Variants in TIMM23B observed in about 807,000 individuals in gnomAD.
TIMM23B encodes translocase of inner mitochondrial membrane 23 homolog B, also known as mitochondrial import inner membrane translocase subunit Tim23B.
A neutral mutation model predicts 27.3 loss-of-function variants in TIMM23B; 27 were observed. That is an observed-to-expected ratio of 0.99 (90% CI 0.73 to 1.36). The LOEUF (loss-of-function observed/expected upper bound fraction) is 1.36. Among genes scored for constraint, TIMM23B ranks in the 40% most tolerant of loss-of-function variants. The probability of loss-of-function intolerance (pLI) is 0.00; values close to 1 mark genes in which losing one functional copy is unlikely to be tolerated. For missense variants in TIMM23B, 205 were observed against 244.2 expected (o/e 0.84, Z 1.07); for synonymous variants, 73 against 92.4 (o/e 0.79, Z 1.21).
intron 6 of TIMM23B, among the ~76,000 whole-genome samples, chr10:49,959,286 G>T (rs1233510085): frequency 1.3e-5 from 2 of 152,074 alleles, no homozygotes; most frequent in African/African-American, 2.4e-5. Flanking sequence ...ACAATAGTTT[G>T]ACCTGTGACA....
chr10:49,951,867 T>C (rs1284726628), intron 2 of TIMM23B, among the ~76,000 whole-genome samples: 1 of 152,234 alleles, frequency 6.6e-6, no homozygotes, highest in Non-Finnish European at 1.5e-5. Context: ...TAAACACTTT[T>C]GCACAAATCT....
chr10:49,954,622 A>G (rs1295806587), intron 4 of TIMM23B, among the ~76,000 whole-genome samples: 4 of 151,862 alleles, frequency 2.6e-5, no homozygotes, highest in Non-Finnish European at 5.9e-5. Flanking sequence ...CATTTTTTAC[A>G]TGGATTAGTT....
intron 6 of TIMM23B, among the ~76,000 whole-genome samples, chr10:49,959,337 G>T (rs1839822618): frequency 6.6e-6 from 1 of 152,182 alleles, no homozygotes; most frequent in South Asian, 2.1e-4. Context: ...CAAGGTCGAA[G>T]CCCAGGAATG....
At position 49,942,252 on chromosome 10, in the gene TIMM23B, G is replaced by C; in HGVS notation, c.58G>C (p.Gly20Arg). The change falls in exon 1 of 7, where the codon GGA becomes CGA. Residue 20 changes from glycine to arginine, a missense_variant. By Grantham distance (125) the Gly-to-Arg change is moderately radical (BLOSUM62 -2). Coordinates refer to ENST00000651259, the MANE Select transcript of TIMM23B (RefSeq NM_001290117.2). ...KTTGVLAGFF[G>R]AGEAGYSHAD... ...CACAGGGGTATTGGCCGGCTTTTTC[G>C]GAGCCGGCGAAGCAGGTTACTCGCA... The C allele has an allele frequency of 6.2e-7, 1 of 1,612,784 alleles. No individual in the cohort carries two copies. Among genetic ancestry groups the C allele is most frequent in the Non-Finnish European group, 8.5e-7 (1 of 1,179,372 alleles).
At chr10:49,950,200 CTTTTTTT>C (rs1169522720) in intron 2 of TIMM23B, among the ~76,000 whole-genome samples, 19 of 117,990 alleles carry the variant, frequency 1.6e-4, no homozygotes, top group African/African-American at 2.2e-4. Flanking sequence ...AAAGTTTTTT[CTTTTTTT>C]TTTTTTTTTT....
At chr10:49,971,032 A>G (rs530733900) in intron 6 of TIMM23B, among the ~76,000 whole-genome samples, 2 of 152,328 alleles carry the variant, frequency 1.3e-5, no homozygotes, top group East Asian at 3.9e-4. Flanking sequence ...CCTTACCCCC[A>G]ACCCGGTGCT....
intron 6 of TIMM23B, among the ~76,000 whole-genome samples, chr10:49,967,402 A>G (rs1355523938): frequency 6.6e-6 from 1 of 152,112 alleles, no homozygotes; most frequent in African/African-American, 2.4e-5. Flanking sequence ...CCACCACACA[A>G]AATTTATGTC....
At chr10:49,971,330 C>CT (rs1196656551) in intron 6 of TIMM23B, among the ~76,000 whole-genome samples, 1 of 141,594 alleles carries the variant, frequency 7.1e-6, no homozygotes, top group African/African-American at 2.7e-5. Flanking sequence ...TCAATAAATA[C>CT]TAAAAAAAAA....
At chr10:49,943,271 G>T (rs1839220999) in intron 1 of TIMM23B, 1 of 151,774 alleles carries the variant, frequency 6.6e-6, no homozygotes, top group Non-Finnish European at 1.5e-5. Context: ...GTTGGGGTGC[G>T]GTGGCATGAT....
rs1235671060 is a variant in TIMM23B, at chr10:49,962,493, G to A, written c.514+4013G>A. 5.9e-5 allele frequency among the ~76,000 whole-genome samples: 9 copies of A among 152,172 alleles called. No homozygotes were observed. In the South Asian group the frequency reaches 1.0e-3, roughly 18 times the overall value. On this transcript the variant is annotated intron_variant, in intron 6 of 6. Transcript: ENST00000651259. The stretch of plus-strand genomic sequence containing the variant: ...TGGGATTACAGGCGTGAACCACCAC[G>A]CCGGGCCAAGCCAGATTCTTTAAAG...
chr10:49,968,834 C>CA (rs1554855938), intron 6 of TIMM23B, among the ~76,000 whole-genome samples: 2 of 151,662 alleles, frequency 1.3e-5, no homozygotes, highest in African/African-American at 4.8e-5. Context: ...GACTCCGTCT[C>CA]AAAAAAAGAA....
chr10:49,963,164 G>C (rs1263770181), intron 6 of TIMM23B, among the ~76,000 whole-genome samples: 2 of 152,206 alleles, frequency 1.3e-5, no homozygotes, highest in East Asian at 3.9e-4. Flanking sequence ...CTGAATTCCA[G>C]CCTGGGCGAT....
In TIMM23B at chr10:49,974,256, CTT is replaced by C. The variant is rs1463050546; in HGVS notation, c.*1193_*1194del. Reference sequence around the variant, plus strand: ...ATTATGGCATCATCTATTTCTTTCTCTTGTCTCATAAATCTAAACCATCAACC... The same window carrying C: ...ATTATGGCATCATCTATTTCTTTCTCGTCTCATAAATCTAAACCATCAACC... On this transcript the variant is annotated 3_prime_UTR_variant, in exon 7 of 7. Coordinates refer to ENST00000651259, the MANE Select transcript of TIMM23B (RefSeq NM_001290117.2). 2 of 149,290 alleles carry C rather than the reference CTT, an allele frequency of 1.3e-5. No homozygotes were observed. Among genetic ancestry groups the C allele is most frequent in the East Asian group, 2.0e-4 (1 of 5,126 alleles). The allele number at this position is 149,290 out of a possible 1,614,324, so 9.2% of individuals were successfully genotyped here.
chr10:49,957,197 G>A (rs1359901414), intron 5 of TIMM23B, among the ~76,000 whole-genome samples: 1 of 151,772 alleles, frequency 6.6e-6, no homozygotes, highest in African/African-American at 2.4e-5. Context: ...TAATTTATTG[G>A]ATTGGCTCAC....
intron 6 of TIMM23B, among the ~76,000 whole-genome samples, chr10:49,970,873 T>C (rs1291245321): frequency 6.6e-6 from 1 of 152,122 alleles, no homozygotes; most frequent in Non-Finnish European, 1.5e-5. Flanking sequence ...CGATGGCGGT[T>C]TTGTTGAATA....
chr10:49,954,145 GTTAA>G (rs1361611298), intron 4 of TIMM23B: 2 of 160,110 alleles, frequency 1.2e-5, no homozygotes, highest in African/African-American at 4.8e-5. Flanking sequence ...TCTGTAGAAC[GTTAA>G]TTGAGTCGTT....
At chr10:49,951,243 G>T (rs1223250074) in intron 2 of TIMM23B, among the ~76,000 whole-genome samples, 7 of 152,192 alleles carry the variant, frequency 4.6e-5, no homozygotes, top group African/African-American at 1.4e-4. Flanking sequence ...TTCAGTATTT[G>T]CCACAAGGAT....
chr10:49,955,918 C>T (rs1389262751), intron 5 of TIMM23B, among the ~76,000 whole-genome samples: 1 of 152,184 alleles, frequency 6.6e-6, no homozygotes, highest in Non-Finnish European at 1.5e-5. Context: ...CACCCTCCTA[C>T]AGAGTCACCC....
chr10:49,965,616 C>T (rs1320299608), intron 6 of TIMM23B, among the ~76,000 whole-genome samples: 1 of 143,706 alleles, frequency 7.0e-6, no homozygotes, highest in East Asian at 2.1e-4. Context: ...GGTGTGGTGG[C>T]GCACTCCAGA....
Sources: allele counts gnomAD v4.1 joint callset (sites outside exome capture counted in the v4.1 genomes callset), GRCh38; gene constraint gnomAD v4.1.1; transcripts MANE v1.5; gene names NCBI Gene and HGNC (gene_info 2026-07-23, HGNC 2026-07-21).